ZNF423: variants seen among roughly 807,000 people sequenced by gnomAD.
ZNF423 encodes zinc finger protein 423, also known as Ebf-associated zinc finger protein.
In ZNF423, 12 loss-of-function variants were observed where a neutral mutation model predicts 95.8. The ratio of observed to expected loss-of-function variants is 0.13; its 90% CI spans 0.08 to 0.20. The LOEUF is 0.20. ZNF423 is among the 10% of genes least tolerant of loss of function. ZNF423 has a pLI of 1.00. For missense variants in ZNF423, 1,316 were observed against 1,737.1 expected, an observed-to-expected ratio of 0.76 and a Z score of 4.31; for synonymous variants, 749 against 711.9, an observed-to-expected ratio of 1.05 and a Z score of -0.83.
At chr16:49,584,379 A>G (rs895434399) in intron 5 of ZNF423, among the ~76,000 whole-genome samples, 5 of 152,166 alleles carry the variant, frequency 3.3e-5, no homozygotes, top group African/African-American at 1.2e-4. Flanking sequence ...TACTTTGTCC[A>G]AAAACTGTGT....
At chr16:49,612,236 C>A (rs116424396) in intron 5 of ZNF423, among the ~76,000 whole-genome samples, 14 of 151,842 alleles carry the variant, frequency 9.2e-5, no homozygotes, top group African/African-American at 3.1e-4. Flanking sequence ...AAATCCCTGA[C>A]GAAGTATTAG....
At chr16:49,807,087 C>T (rs919366069) in intron 1 of ZNF423, among the ~76,000 whole-genome samples, 3 of 151,658 alleles carry the variant, frequency 2.0e-5, no homozygotes, top group Admixed American at 2.0e-4. Flanking sequence ...TAAACATACA[C>T]TACAGCAGTA....
intron 7 of ZNF423, among the ~76,000 whole-genome samples, chr16:49,514,739 T>C (rs989063908): frequency 6.6e-6 from 1 of 152,244 alleles, no homozygotes; most frequent in Non-Finnish European, 1.5e-5. Flanking sequence ...CGCTCAACGC[T>C]GGGCTGGCCG....
At chr16:49,678,139 C>T (rs536875872) in intron 3 of ZNF423, among the ~76,000 whole-genome samples, 74 of 151,996 alleles carry the variant, frequency 4.9e-4, no homozygotes, top group South Asian at 3.8e-3. Context: ...GCCAAGATCG[C>T]GCCACTGCAC....
chr16:49,769,728 T>C (rs56075907), intron 2 of ZNF423, among the ~76,000 whole-genome samples: 1,838 of 131,902 alleles, frequency 0.014, 40 homozygotes, highest in African/African-American at 0.05. Context: ...TCTCCCCCTC[T>C]CATCTCCCTG....
At chr16:49,610,072 A>C (rs1034924673) in intron 5 of ZNF423, among the ~76,000 whole-genome samples, 1 of 152,242 alleles carries the variant, frequency 6.6e-6, no homozygotes, top group Non-Finnish European at 1.5e-5. Flanking sequence ...GTCAATCCAG[A>C]GTTCTTCTAC....
intron 3 of ZNF423, among the ~76,000 whole-genome samples, chr16:49,672,493 T>C (rs2030857443): frequency 6.6e-6 from 1 of 151,956 alleles, no homozygotes; most frequent in Admixed American, 6.5e-5. Flanking sequence ...GGGTGTCCCA[T>C]AGTTGACCAA....
chr16:49,769,771 C>A (rs564117035), intron 2 of ZNF423, among the ~76,000 whole-genome samples: 1 of 148,744 alleles, frequency 6.7e-6, no homozygotes, highest in East Asian at 2.1e-4. Context: ...TCATTTCACA[C>A]CCCCGTCTCC....
At position 49,492,597 on chromosome 16, in the gene ZNF423, A is replaced by G. The variant is rs1018523971; in HGVS notation, c.3850-1293T>C. ...TGCGGCCCCCGTGGTAATGTCACCG[A>G]CCCTTCCTGCGAGCTCCCGGCCGGG... On this transcript the variant is annotated intron_variant, in intron 7 of 7. Transcript: ENST00000563137. The surrounding 1 kb of genome is among the most constrained non-coding windows in gnomAD (Gnocchi z 4.2). 6.6e-6 allele frequency among the ~76,000 whole-genome samples: 1 copy of G among 151,830 alleles called. No individual in the cohort carries two copies. The highest frequency in any genetic ancestry group is 2.4e-5 in the African/African-American group (1 of 41,332).
chr16:49,511,280 C>T (rs1004683043), intron 7 of ZNF423, among the ~76,000 whole-genome samples: 7 of 152,192 alleles, frequency 4.6e-5, no homozygotes, highest in Admixed American at 4.6e-4. Flanking sequence ...TCCATGTCAC[C>T]CTCTAGAACG....
At chr16:49,565,311 C>T (rs551462148) in intron 5 of ZNF423, among the ~76,000 whole-genome samples, 16 of 152,298 alleles carry the variant, frequency 1.1e-4, no homozygotes, top group African/African-American at 2.9e-4. Context: ...AGAGGTTCCC[C>T]ACCCGAACAA....
chr16:49,564,985 C>G lies in ZNF423; in HGVS notation c.3602-39491G>C, dbSNP rs1363747412. ...ACAGCCGGCCACCTCATTTAGAAAG[C>G]TAACTTTTCTCAGAGTTCCATCCTG... On this transcript the variant is annotated intron_variant, in intron 5 of 7. Transcript: ENST00000563137. 2.0e-5 allele frequency among the ~76,000 whole-genome samples: 3 copies of G among 152,328 alleles called. No homozygotes were observed. In the East Asian group the frequency reaches 5.8e-4, roughly 29 times the overall value.
rs142147897 is a variant in ZNF423, at chr16:49,651,819, G to C, written c.302-12945C>G. The stretch of plus-strand genomic sequence containing the variant: ...GGACAAGGAGAGGCTGGCAATGGCT[G>C]GAATGGTTTGAGGGGACACAAGACA... On this transcript the variant is annotated intron_variant, in intron 3 of 7. Coordinates refer to ENST00000563137, the MANE Select transcript of ZNF423 (RefSeq NM_001379286.1). 5.5e-3 allele frequency among the ~76,000 whole-genome samples: 843 copies of C among 152,302 alleles called. 7 individuals carry two copies. Among genetic ancestry groups the C allele is most frequent in the African/African-American group, 0.019 (787 of 41,566 alleles).
At chr16:49,557,855 T>A (rs779505341) in intron 5 of ZNF423, among the ~76,000 whole-genome samples, 1 of 151,972 alleles carries the variant, frequency 6.6e-6, no homozygotes, top group Non-Finnish European at 1.5e-5. Flanking sequence ...TGCAAGGAAG[T>A]GATCAATTCA....
chr16:49,765,969 T>C (rs1387748195), intron 2 of ZNF423, among the ~76,000 whole-genome samples: 1 of 152,248 alleles, frequency 6.6e-6, no homozygotes, highest in Non-Finnish European at 1.5e-5. Context: ...GAGTTTCACC[T>C]GGGAAAATGA....
chr16:49,569,498 G>T (rs1434680094), intron 5 of ZNF423, among the ~76,000 whole-genome samples: 1 of 152,212 alleles, frequency 6.6e-6, no homozygotes, highest in African/African-American at 2.4e-5. Context: ...TCCTAGCCCT[G>T]TAACGTCCTG....
intron 2 of ZNF423, among the ~76,000 whole-genome samples, chr16:49,745,811 A>G (rs2033510640): frequency 6.6e-6 from 1 of 152,148 alleles, no homozygotes; most frequent in Non-Finnish European, 1.5e-5. Flanking sequence ...AGAAGAGCCC[A>G]GAATATTATC....
At chr16:49,750,462 A>G (rs1027101772) in intron 2 of ZNF423, among the ~76,000 whole-genome samples, 1 of 152,198 alleles carries the variant, frequency 6.6e-6, no homozygotes, top group African/African-American at 2.4e-5. Context: ...TCTTTCTGCC[A>G]ACTGCCAGCA....
At chr16:49,806,243 A>T (rs1031989665) in intron 1 of ZNF423, among the ~76,000 whole-genome samples, 3 of 152,204 alleles carry the variant, frequency 2.0e-5, no homozygotes, top group Non-Finnish European at 2.9e-5. Flanking sequence ...GGGAGGGGCC[A>T]CACAACAGCC....
Sources: gnomAD v4.1 joint callset for allele counts (sites outside exome capture counted in the v4.1 genomes callset) on GRCh38, gnomAD v4.1.1 for gene constraint, Gnocchi (gnomAD v3.1) non-coding constraint, MANE v1.5 for transcripts, NCBI Gene and HGNC (gene_info 2026-07-23, HGNC 2026-07-21) for gene names.